CDH13: variants seen among roughly 807,000 people sequenced by gnomAD.
CDH13 encodes the protein cadherin 13, also known as cadherin-13.
CDH13 carries 24 observed loss-of-function variants against 63.8 expected under a neutral mutation model. The ratio of observed to expected loss-of-function variants is 0.38; its 90% CI spans 0.27 to 0.53. The LOEUF (loss-of-function observed/expected upper bound fraction) is 0.53, where lower values mean the gene tolerates loss of function less well. CDH13 is among the 20% of genes least tolerant of loss of function. The pLI, the probability that CDH13 is intolerant of heterozygous loss-of-function variation, is 0.85. For synonymous variants in CDH13, 503 were observed against 355.3 expected, an observed-to-expected ratio of 1.42 and a Z score of -4.67; for missense variants, 1,049 against 903.1, an observed-to-expected ratio of 1.16 and a Z score of -2.07.
intron 1 of CDH13, among the ~76,000 whole-genome samples, chr16:82,655,922 A>G (rs1252419341): frequency 6.6e-6 from 1 of 152,156 alleles, no homozygotes; most frequent in Non-Finnish European, 1.5e-5. Context: ...GGCACCTGCT[A>G]TGTGCCAGGA....
chr16:83,203,320 A>G (rs1439954564), intron 4 of CDH13, among the ~76,000 whole-genome samples: 1 of 152,224 alleles, frequency 6.6e-6, no homozygotes, highest in African/African-American at 2.4e-5. Flanking sequence ...CCAAGACCTC[A>G]GAGTCATGCA....
At chr16:82,786,864 A>G (rs1289002975) in intron 1 of CDH13, among the ~76,000 whole-genome samples, 1 of 151,938 alleles carries the variant, frequency 6.6e-6, no homozygotes, top group Non-Finnish European at 1.5e-5. Context: ...ATAGTATTCC[A>G]TGGTGTGTAT....
chr16:82,859,165 A>T (rs959631045), intron 2 of CDH13: 1 of 152,276 alleles, frequency 6.6e-6, no homozygotes, highest in South Asian at 2.1e-4. Flanking sequence ...GTGCAATAGA[A>T]TTTAAAATTG....
chr16:82,944,125 G>C (rs1904431449), intron 2 of CDH13, among the ~76,000 whole-genome samples: 1 of 152,162 alleles, frequency 6.6e-6, no homozygotes, highest in Admixed American at 6.5e-5. Context: ...ACTGTCATTA[G>C]AGATCAGGAG....
chr16:82,968,714 A>G lies in CDH13; in HGVS notation c.158-63296A>G, dbSNP rs184802900. Among the ~76,000 whole-genome samples, 309 of 152,292 alleles carry G rather than the reference A, an allele frequency of 2.0e-3. 2 individuals are homozygous for G. The highest frequency in any genetic ancestry group is 0.017 in the Middle Eastern group (5 of 294). ...TCTTGGCAGCTCTAGAAGCCCTGGT[A>G]TAGGCTTTTGTTCTAGCATCAGTCA... On this transcript the variant is annotated intron_variant, in intron 2 of 13. Transcript: ENST00000567109.
intron 3 of CDH13, among the ~76,000 whole-genome samples, chr16:83,073,350 T>TGA (rs1399593423): frequency 2.7e-4 from 34 of 126,688 alleles, no homozygotes; most frequent in African/African-American, 1.1e-3. Flanking sequence ...TGTGTGTGTG[T>TGA]GTGTGAGAGA....
chr16:83,061,088 A>C (rs1188048942), intron 3 of CDH13, among the ~76,000 whole-genome samples: 1 of 152,228 alleles, frequency 6.6e-6, no homozygotes, highest in Non-Finnish European at 1.5e-5. Context: ...TCTCCATTTT[A>C]CAAAGGAGAA....
intron 9 of CDH13, 97 bp from the exon 10 acceptor site, chr16:83,678,111 G>C (rs1321800599): frequency 7.8e-7 from 1 of 1,277,724 alleles, no homozygotes; most frequent in Non-Finnish European, 1.1e-6. Context: ...ATCCCTGAAG[G>C]CCCACTGTTG....
At chr16:83,412,653 A>G (rs2092144680) in intron 6 of CDH13, among the ~76,000 whole-genome samples, 1 of 152,152 alleles carries the variant, frequency 6.6e-6, no homozygotes, top group Non-Finnish European at 1.5e-5. Context: ...GGGGCACATC[A>G]ACTCCTTGCA....
intron 5 of CDH13, among the ~76,000 whole-genome samples, chr16:83,290,231 C>G (rs1345819599): frequency 2.0e-5 from 3 of 152,212 alleles, no homozygotes; most frequent in African/African-American, 4.8e-5. Context: ...TTAGTATTTA[C>G]AATGGCTCCC....
intron 6 of CDH13, among the ~76,000 whole-genome samples, chr16:83,434,997 A>ATATG (rs2072251150): frequency 8.9e-6 from 1 of 112,294 alleles, no homozygotes; most frequent in Non-Finnish European, 1.9e-5. Flanking sequence ...ATATATATAT[A>ATATG]TGTATATATA....
chr16:82,709,101 A>G (rs1230403394), intron 1 of CDH13, among the ~76,000 whole-genome samples: 1 of 151,986 alleles, frequency 6.6e-6, no homozygotes, highest in South Asian at 2.1e-4. Flanking sequence ...TGCAGTAGAT[A>G]CAATGAACAT....
intron 1 of CDH13, among the ~76,000 whole-genome samples, chr16:82,845,405 A>G (rs1194560185): frequency 6.6e-6 from 1 of 152,118 alleles, no homozygotes; most frequent in Non-Finnish European, 1.5e-5. Flanking sequence ...ATGCAAAGAG[A>G]CTGAGGGCAC....
At chr16:83,053,907 G>A (rs1234375476) in intron 3 of CDH13, among the ~76,000 whole-genome samples, 6 of 152,156 alleles carry the variant, frequency 3.9e-5, no homozygotes, top group Admixed American at 2.0e-4. Context: ...ATATAGTCAC[G>A]TGTGACATAA....
chr16:83,790,762 T>A (rs539828306), intron 13 of CDH13, among the ~76,000 whole-genome samples: 51 of 152,284 alleles, frequency 3.3e-4, no homozygotes, highest in African/African-American at 1.2e-3. Flanking sequence ...ATTCTTCCCC[T>A]AGCACCCTCC....
At position 82,706,773 on chromosome 16, in the gene CDH13, C is replaced by G. The variant is rs189539582; in HGVS notation, c.45+79636C>G. Among the ~76,000 whole-genome samples the G allele has an allele frequency of 2.0e-5, 3 of 151,698 alleles. No homozygotes were observed. The East Asian group carries it at 5.8e-4, about 29-fold the overall frequency. ...GAGCTGAGATCATGCCGCTGTACTC[C>G]AGCCTGGGTGACAGAGCGAGACTCT... On this transcript the variant is annotated intron_variant, in intron 1 of 13. Transcript: ENST00000567109.
At chr16:83,308,485 C>T (rs187652850) in intron 5 of CDH13, among the ~76,000 whole-genome samples, 2 of 152,356 alleles carry the variant, frequency 1.3e-5, no homozygotes, top group African/African-American at 2.4e-5. Flanking sequence ...ATTACATTTA[C>T]TCTCCACACA....
intron 2 of CDH13, among the ~76,000 whole-genome samples, chr16:82,918,867 C>T (rs1259641710): frequency 1.3e-5 from 2 of 152,102 alleles, no homozygotes; most frequent in Non-Finnish European, 2.9e-5. Context: ...AGTTTGTACC[C>T]AAATTATAAA....
At chr16:83,095,422 T>C (rs1253216123) in intron 3 of CDH13, among the ~76,000 whole-genome samples, 2 of 152,220 alleles carry the variant, frequency 1.3e-5, no homozygotes, top group Non-Finnish European at 2.9e-5. Context: ...GTAAACATCA[T>C]CAGTGATAAA....
Sources: gnomAD v4.1 joint callset for allele counts (sites outside exome capture counted in the v4.1 genomes callset) on GRCh38, gnomAD v4.1.1 for gene constraint, MANE v1.5 for transcripts, NCBI Gene and HGNC (gene_info 2026-07-23, HGNC 2026-07-21) for gene names.